GRIP1: variants seen among roughly 807,000 people sequenced by gnomAD.
GRIP1 encodes glutamate receptor interacting protein 1, also known as glutamate receptor-interacting protein 1.
In GRIP1, 45 loss-of-function variants were observed where a neutral mutation model predicts 129.9. That is an observed-to-expected ratio of 0.35 (90% confidence interval 0.27 to 0.44). The LOEUF is 0.44. Ranked by LOEUF, GRIP1 falls within the 20% of genes least tolerant of loss-of-function variation. The probability of loss-of-function intolerance (pLI) is 1.00; values close to 1 mark genes in which losing one functional copy is unlikely to be tolerated. For synonymous variants in GRIP1, 530 were observed against 520.8 expected (o/e 1.02, Z -0.24); for missense variants, 1,196 against 1,396.8 (o/e 0.86, Z 2.29).
intron 1 of GRIP1, among the ~76,000 whole-genome samples, chr12:66,767,282 C>T (rs2037670663): frequency 6.6e-6 from 1 of 152,058 alleles, no homozygotes; most frequent in South Asian, 2.1e-4. Flanking sequence ...AACAAGATGT[C>T]TTCTCTGAGG....
intron 1 of GRIP1, among the ~76,000 whole-genome samples, chr12:66,753,168 T>A (rs925851124): frequency 7.9e-5 from 12 of 152,178 alleles, no homozygotes; most frequent in Admixed American, 6.6e-5. Flanking sequence ...TCCGACCCCA[T>A]TTCTCAATGT....
Position 66,648,712 on chromosome 12 carries a change from T to C in GRIP1, c.55+30138A>G, listed in dbSNP as rs150529340. Reference sequence around the variant, plus strand: ...ACAGAGTCGGTGACATTATCATGCATGTTAGTAATATTTTTGAGGTTCACT... The same window carrying C: ...ACAGAGTCGGTGACATTATCATGCACGTTAGTAATATTTTTGAGGTTCACT... On this transcript the variant is annotated intron_variant, in intron 1 of 24. Coordinates refer to ENST00000359742, the MANE Select transcript of GRIP1 (RefSeq NM_001366722.1). Among the ~76,000 whole-genome samples the C allele has an allele frequency of 6.1e-3, 936 of 152,336 alleles. 8 individuals are homozygous for C. Among genetic ancestry groups the C allele is most frequent in the Non-Finnish European group, 8.6e-3 (583 of 68,028 alleles).
At chr12:67,069,101 C>T (rs1319796508) in exon 1 of GRIP1, 4 of 984,922 alleles carry the variant, frequency 4.1e-6, no homozygotes, top group Non-Finnish European at 4.8e-6. Context: ...TTCTTCCAGC[C>T]GGGCATGGTG....
At chr12:66,981,520 G>A (rs1782265627) in intron 1 of GRIP1, among the ~76,000 whole-genome samples, 1 of 152,136 alleles carries the variant, frequency 6.6e-6, no homozygotes, top group Admixed American at 6.6e-5. Context: ...AGATTATTCA[G>A]TGTAATCAAA....
intron 1 of GRIP1, among the ~76,000 whole-genome samples, chr12:66,634,515 TAAA>T: frequency 6.6e-6 from 1 of 152,138 alleles, no homozygotes; most frequent in South Asian, 2.1e-4. Context: ...TTGGAAATGA[TAAA>T]AAATTACTCT....
At chr12:66,653,547 T>C (rs1317779086) in intron 1 of GRIP1, among the ~76,000 whole-genome samples, 2 of 152,230 alleles carry the variant, frequency 1.3e-5, no homozygotes, top group African/African-American at 4.8e-5. Flanking sequence ...TTCAGTTTCT[T>C]ACATGCTTAA....
chr12:66,715,473 A>AGAGAGAGG (rs1565983672), intron 1 of GRIP1, among the ~76,000 whole-genome samples: 3 of 96,822 alleles, frequency 3.1e-5, no homozygotes, highest in African/African-American at 1.2e-4. Flanking sequence ...TGTGTGTGTG[A>AGAGAGAGG]GAGAGAGAGA....
intron 4 of GRIP1, among the ~76,000 whole-genome samples, chr12:66,531,247 AAAAAAATATATATATATATATAT>A (rs2061439311): frequency 8.2e-5 from 5 of 60,776 alleles, no homozygotes; most frequent in African/African-American, 1.4e-4. Flanking sequence ...AAAAAAAAAA[AAAAAAATATATATATATATATAT>A]ATATATATAT....
At chr12:66,798,450 T>G (rs1225410567) in intron 1 of GRIP1, among the ~76,000 whole-genome samples, 1 of 152,202 alleles carries the variant, frequency 6.6e-6, no homozygotes, top group Non-Finnish European at 1.5e-5. Flanking sequence ...CAACTTAACA[T>G]ATAACTTACA....
At chr12:66,403,395 GAAT>G (rs2057078529) in intron 16 of GRIP1, among the ~76,000 whole-genome samples, 1 of 151,986 alleles carries the variant, frequency 6.6e-6, no homozygotes, top group South Asian at 2.1e-4. Context: ...TTTACATTTT[GAAT>G]AATGTTTTTT....
At chr12:67,034,157 T>G (rs1313656866) in intron 1 of GRIP1, among the ~76,000 whole-genome samples, 1 of 152,180 alleles carries the variant, frequency 6.6e-6, no homozygotes, top group African/African-American at 2.4e-5. Flanking sequence ...AACAAAGAAC[T>G]TAATTATTAG....
chr12:66,583,763 T>C (rs1432665352), intron 2 of GRIP1, among the ~76,000 whole-genome samples: 1 of 136,612 alleles, frequency 7.3e-6, no homozygotes, highest in Non-Finnish European at 1.6e-5. Flanking sequence ...AAACAACAGG[T>C]GCTGGAGAGG....
chr12:66,985,413 A>G (rs907084306), intron 1 of GRIP1, among the ~76,000 whole-genome samples: 1 of 152,226 alleles, frequency 6.6e-6, no homozygotes, highest in Non-Finnish European at 1.5e-5. Flanking sequence ...ATAAATAAAT[A>G]AATTAAATAA....
chr12:66,862,664 C>G (rs2040132937), intron 1 of GRIP1, among the ~76,000 whole-genome samples: 1 of 152,044 alleles, frequency 6.6e-6, no homozygotes, highest in African/African-American at 2.4e-5. Context: ...TGTAGGATCT[C>G]TCAGTAGTCT....
At chr12:66,446,233 C>T (rs940356326) in intron 11 of GRIP1, among the ~76,000 whole-genome samples, 1 of 152,062 alleles carries the variant, frequency 6.6e-6, no homozygotes, top group African/African-American at 2.4e-5. Flanking sequence ...TTCATCTACA[C>T]CTTCCAGCAG....
chr12:66,353,196 G>GA (rs112570803), intron 24 of GRIP1, among the ~76,000 whole-genome samples: 126 of 152,170 alleles, frequency 8.3e-4, no homozygotes, highest in African/African-American at 2.7e-3. Flanking sequence ...GCTCAGTGCC[G>GA]AAAAAAACTG....
rs140594971 is a variant in GRIP1, at chr12:66,488,112, C to T, written c.725-22690G>A. Reference sequence around the variant, plus strand: ...GAAGATATTCAGGACTTGAACTCAGCTCTGGATCAAGTGGACCTGATAGAT... The same window carrying T: ...GAAGATATTCAGGACTTGAACTCAGTTCTGGATCAAGTGGACCTGATAGAT... On this transcript the variant is annotated intron_variant, in intron 7 of 24. Transcript: ENST00000359742. Among the ~76,000 whole-genome samples, 1,136 of 152,264 alleles carry T rather than the reference C, an allele frequency of 7.5e-3. 18 individuals carry two copies. The highest frequency in any genetic ancestry group is 0.026 in the African/African-American group (1,094 of 41,560).
chr12:66,355,837 G>C (rs140818807), intron 23 of GRIP1, among the ~76,000 whole-genome samples: 82 of 152,292 alleles, frequency 5.4e-4, no homozygotes, highest in African/African-American at 1.7e-3. Context: ...CGGACAGAAA[G>C]GGCTTGTCCT....
intron 7 of GRIP1, among the ~76,000 whole-genome samples, chr12:66,483,863 T>TC (rs1195489033): frequency 2.8e-4 from 31 of 110,280 alleles, no homozygotes; most frequent in African/African-American, 9.6e-4. Flanking sequence ...TATCCTAACT[T>TC]CTTTTTTTTT....
Sources: gnomAD v4.1 joint callset for allele counts (sites outside exome capture counted in the v4.1 genomes callset) on GRCh38, gnomAD v4.1.1 for gene constraint, MANE v1.5 for transcripts, NCBI Gene and HGNC (gene_info 2026-07-23, HGNC 2026-07-21) for gene names.